The following NPAS3 variants were observed in gnomAD, a reference collection of about 807,000 sequenced individuals.
NPAS3 encodes the protein neuronal PAS domain-containing protein 3.
Under a neutral mutation model 73.1 loss-of-function variants are expected in NPAS3, and 14 were observed. The ratio of observed to expected loss-of-function variants is 0.19; its 90% CI spans 0.13 to 0.30. The LOEUF (loss-of-function observed/expected upper bound fraction) is 0.30, where lower values mean the gene tolerates loss of function less well. Ranked by LOEUF, NPAS3 falls within the 10% of genes least tolerant of loss-of-function variation. The probability of loss-of-function intolerance (pLI) is 1.00; values close to 1 mark genes in which losing one functional copy is unlikely to be tolerated. For missense variants in NPAS3, 1,096 were observed against 1,250.0 expected (o/e 0.88, Z 1.86); for synonymous variants, 620 against 541.5 (o/e 1.14, Z -2.01).
At chr14:33,421,250 G>A (rs2048347719) in intron 4 of NPAS3, among the ~76,000 whole-genome samples, 1 of 151,372 alleles carries the variant, frequency 6.6e-6, no homozygotes. Flanking sequence ...GAAAAAAAAA[G>A]TTATGATCCC....
chr14:33,697,509 T>C (rs979692391), intron 6 of NPAS3, among the ~76,000 whole-genome samples: 30 of 152,324 alleles, frequency 2.0e-4, no homozygotes, highest in African/African-American at 5.8e-4. Context: ...AATGTGTTTA[T>C]GGCAGTGATA....
intron 6 of NPAS3, among the ~76,000 whole-genome samples, chr14:33,677,254 CCTTTTTGTA>C (rs2140341134): frequency 6.6e-6 from 1 of 152,104 alleles, no homozygotes; most frequent in South Asian, 2.1e-4. Flanking sequence ...GTGGTTTTGT[CCTTTTTGTA>C]CTTTTTTAGA....
intron 1 of NPAS3, among the ~76,000 whole-genome samples, chr14:32,991,541 T>G (rs1394376225): frequency 1.3e-5 from 2 of 152,164 alleles, no homozygotes; most frequent in African/African-American, 4.8e-5. Context: ...GGTAGAATTC[T>G]TCCCCCTGGC....
At chr14:33,590,358 T>C (rs2057019594) in intron 5 of NPAS3, among the ~76,000 whole-genome samples, 1 of 152,170 alleles carries the variant, frequency 6.6e-6, no homozygotes, top group Non-Finnish European at 1.5e-5. Flanking sequence ...ATATATATAA[T>C]ACTTACTGCT....
At chr14:33,400,960 A>G (rs1454807449) in intron 4 of NPAS3, among the ~76,000 whole-genome samples, 2 of 151,662 alleles carry the variant, frequency 1.3e-5, no homozygotes, top group African/African-American at 2.4e-5. Flanking sequence ...TTTTCTCTTC[A>G]CTTGAAAAGT....
At chr14:33,218,630 C>T (rs1379026586) in intron 3 of NPAS3, among the ~76,000 whole-genome samples, 1 of 152,122 alleles carries the variant, frequency 6.6e-6, no homozygotes, top group Non-Finnish European at 1.5e-5. Flanking sequence ...CAAGCAATCT[C>T]TTGAATAAAC....
At chr14:33,706,850 G>A (rs556260363) in intron 6 of NPAS3, among the ~76,000 whole-genome samples, 9 of 152,236 alleles carry the variant, frequency 5.9e-5, no homozygotes, top group East Asian at 5.8e-4. Context: ...TCCGTCTCAC[G>A]TCTTTTCAGC....
chr14:33,794,027 G>A lies in NPAS3; in HGVS notation c.1284G>A (p.Trp428Ter), dbSNP rs2063442106. 1 of 1,612,582 alleles carries A rather than the reference G, an allele frequency of 6.2e-7. No individual in the cohort carries two copies. Residue 428 changes from tryptophan to a stop codon, truncating the protein, a stop_gained, in exon 10 of 12, where the codon TGG (tryptophan) becomes TGA (stop). Transcript: ENST00000356141. LOFTEE classifies it high-confidence loss of function. Reference sequence around the variant, plus strand: ...ATGCAAATGAAAAGAATATCATCTGGGTGAATTACCTTCTTAGGTATATTT... The same window carrying A: ...ATGCAAATGAAAAGAATATCATCTGAGTGAATTACCTTCTTAGGTATATTT...
intron 4 of NPAS3, among the ~76,000 whole-genome samples, chr14:33,494,468 T>A (rs368799322): frequency 6.6e-6 from 1 of 152,104 alleles, no homozygotes; most frequent in African/African-American, 2.4e-5. Flanking sequence ...CTGTCTTAGA[T>A]CTTGTGTTTG....
chr14:33,239,562 C>T (rs894257021), intron 3 of NPAS3, among the ~76,000 whole-genome samples: 1 of 151,826 alleles, frequency 6.6e-6, no homozygotes, highest in African/African-American at 2.4e-5. Context: ...CAGACAAGAT[C>T]ATTTTCTACA....
At chr14:33,742,554 A>G (rs990095654) in intron 7 of NPAS3, among the ~76,000 whole-genome samples, 2 of 152,232 alleles carry the variant, frequency 1.3e-5, no homozygotes, top group Non-Finnish European at 2.9e-5. Flanking sequence ...AGCCTTCAGC[A>G]AAGTTTTTGC....
Position 33,778,237 on chromosome 14 carries a change from C to T in NPAS3, c.1047-229C>T, listed in dbSNP as rs558396981. On this transcript the variant is annotated intron_variant, in intron 8 of 11. Transcript: ENST00000356141. ...ATGCCAAAGAAAGAGAAAAACCTAT[C>T]TAATTGTTGAAACACAATCGCTTGA... 3.3e-5 allele frequency among the ~76,000 whole-genome samples: 5 copies of T among 152,310 alleles called. No homozygotes were observed. The South Asian group carries it at 1.0e-3, about 32-fold the overall frequency.
At chr14:32,990,327 T>G (rs1325996003) in intron 1 of NPAS3, among the ~76,000 whole-genome samples, 1 of 152,234 alleles carries the variant, frequency 6.6e-6, no homozygotes, top group Non-Finnish European at 1.5e-5. Flanking sequence ...CTTGCTATGA[T>G]TATTTTAAAA....
At chr14:33,544,823 ATATATGTGTATATATATATTAT>A (rs1432638914) in intron 4 of NPAS3, among the ~76,000 whole-genome samples, 6 of 59,442 alleles carry the variant, frequency 1.0e-4, no homozygotes, top group Admixed American at 1.6e-4. Flanking sequence ...TATATATAAT[ATATATGTGTATATATATATTAT>A]ATATATGTGT....
chr14:33,440,019 G>C (rs1010507748), intron 4 of NPAS3, among the ~76,000 whole-genome samples: 2 of 151,928 alleles, frequency 1.3e-5, no homozygotes, highest in Non-Finnish European at 2.9e-5. Context: ...GGGAGGCTGA[G>C]GCAGGAGAAT....
At chr14:33,543,374 T>C (rs1181865215) in intron 4 of NPAS3, among the ~76,000 whole-genome samples, 2 of 152,328 alleles carry the variant, frequency 1.3e-5, no homozygotes, top group African/African-American at 2.4e-5. Context: ...ATCTTTACTG[T>C]TTTAGTACCT....
intron 3 of NPAS3, among the ~76,000 whole-genome samples, chr14:33,286,509 T>G (rs1396106007): frequency 1.3e-5 from 2 of 152,228 alleles, no homozygotes; most frequent in Admixed American, 6.5e-5. Context: ...GAAAGGACTC[T>G]TAGTTTCTAA....
intron 3 of NPAS3, among the ~76,000 whole-genome samples, chr14:33,359,677 T>A (rs151158951): frequency 5.4e-4 from 83 of 152,296 alleles, no homozygotes; most frequent in African/African-American, 2.0e-3. Flanking sequence ...AAAAAAAATT[T>A]TAGTGTATTT....
chr14:33,194,005 AT>A, intron 2 of NPAS3, among the ~76,000 whole-genome samples: 1 of 152,258 alleles, frequency 6.6e-6, no homozygotes, highest in East Asian at 1.9e-4. Context: ...CAGAAAGATC[AT>A]GTAAAAATGG....
Sources: allele counts gnomAD v4.1 joint callset (sites outside exome capture counted in the v4.1 genomes callset), GRCh38; gene constraint gnomAD v4.1.1; transcripts MANE v1.5; gene names NCBI Gene and HGNC (gene_info 2026-07-23, HGNC 2026-07-21).